The following MCPH1 variants were observed in gnomAD, a reference collection of about 807,000 sequenced individuals.
The protein encoded by MCPH1 is microcephalin.
A neutral mutation model predicts 84.5 loss-of-function variants in MCPH1; 104 were observed. The ratio of observed to expected loss-of-function variants is 1.23; its 90% confidence interval spans 1.05 to 1.45. The LOEUF is 1.45. Among genes scored for constraint, MCPH1 ranks in the 40% most tolerant of loss-of-function variants. The probability of loss-of-function intolerance (pLI) is 0.00; values close to 1 mark genes in which losing one functional copy is unlikely to be tolerated. For synonymous variants in MCPH1, 514 were observed against 366.8 expected (o/e 1.40, Z -4.58); for missense variants, 1,498 against 1,005.7 (o/e 1.49, Z -6.62).
chr8:6,483,222 C>G (rs934652561), intron 11 of MCPH1, among the ~76,000 whole-genome samples: 4 of 152,184 alleles, frequency 2.6e-5, no homozygotes, highest in Admixed American at 6.5e-5. Context: ...GATTAGAAGA[C>G]ATAGTACAGT....
chr8:6,505,389 ATG>A (rs1217010978), intron 12 of MCPH1, among the ~76,000 whole-genome samples: 1 of 64,400 alleles, frequency 1.6e-5, no homozygotes, highest in African/African-American at 4.9e-5. Context: ...TTCTTTCTAT[ATG>A]TATATAGAAT....
At chr8:6,432,827 T>A (rs1441955748) in intron 4 of MCPH1, among the ~76,000 whole-genome samples, 1 of 152,258 alleles carries the variant, frequency 6.6e-6, no homozygotes, top group African/African-American at 2.4e-5. Flanking sequence ...GTCTCTGGAC[T>A]CCCTGTGACA....
At chr8:6,465,820 T>G (rs1806825991) in intron 9 of MCPH1, among the ~76,000 whole-genome samples, 1 of 152,200 alleles carries the variant, frequency 6.6e-6, no homozygotes. Flanking sequence ...TGTACGTATT[T>G]GTCTTGAAGG....
At chr8:6,514,875 A>G (rs1815943886) in intron 12 of MCPH1, 1 of 1,001,888 alleles carries the variant, frequency 1.0e-6, no homozygotes, top group East Asian at 2.4e-5. Context: ...TGCAGGACTC[A>G]GCCGAGAGGG....
At chr8:6,478,996 G>C (rs977332170) in intron 10 of MCPH1, among the ~76,000 whole-genome samples, 2 of 152,162 alleles carry the variant, frequency 1.3e-5, no homozygotes, top group Non-Finnish European at 2.9e-5. Context: ...TGGGTGTGTT[G>C]GTTCACGGCT....
At chr8:6,450,942 A>G (rs1392504178) in intron 8 of MCPH1, among the ~76,000 whole-genome samples, 4 of 152,082 alleles carry the variant, frequency 2.6e-5, no homozygotes, top group Admixed American at 2.0e-4. Flanking sequence ...TTCTGAGCTC[A>G]TGCAATCTGC....
intron 13 of MCPH1, among the ~76,000 whole-genome samples, chr8:6,633,301 A>G (rs1391989322): frequency 1.3e-5 from 2 of 152,248 alleles, no homozygotes. Context: ...AAAGAGAGTC[A>G]ATAAACTGTT....
intron 8 of MCPH1, among the ~76,000 whole-genome samples, chr8:6,451,811 G>A (rs1286327365): frequency 6.6e-6 from 1 of 152,040 alleles, no homozygotes; most frequent in East Asian, 1.9e-4. Context: ...ATTTCTCATT[G>A]GATAATGTTA....
At position 6,455,941 on chromosome 8, in the gene MCPH1, T is replaced by A. The variant is rs182798698; in HGVS notation, c.1935+689T>A. On this transcript the variant is annotated intron_variant, in intron 9 of 13. Coordinates refer to ENST00000344683, the MANE Select transcript of MCPH1 (RefSeq NM_024596.5). Reference sequence around the variant, plus strand: ...ATTGAAAAGCAACAGATGAAAAGAATGACAGAGTAGATGGGTCTGCATGGG... The same window carrying A: ...ATTGAAAAGCAACAGATGAAAAGAAAGACAGAGTAGATGGGTCTGCATGGG... Among the ~76,000 whole-genome samples, 52 of 152,242 alleles carry A rather than the reference T, an allele frequency of 3.4e-4. 1 individual carries two copies. The highest frequency in any genetic ancestry group is 1.2e-3 in the African/African-American group (48 of 41,552).
intron 12 of MCPH1, among the ~76,000 whole-genome samples, chr8:6,600,464 A>G (rs530704153): frequency 1.0e-3 from 155 of 152,282 alleles, no homozygotes; most frequent in Non-Finnish European, 1.8e-3. Context: ...TACCATTGCC[A>G]CCACTGGGGA....
At chr8:6,408,700 A>G (rs1264446735) in intron 1 of MCPH1, among the ~76,000 whole-genome samples, 1 of 151,000 alleles carries the variant, frequency 6.6e-6, no homozygotes, top group Non-Finnish European at 1.5e-5. Context: ...CTGGGACTAC[A>G]GCCACTCGCC....
chr8:6,475,799 A>G (rs1019012059), intron 9 of MCPH1, among the ~76,000 whole-genome samples: 3 of 152,120 alleles, frequency 2.0e-5, no homozygotes, highest in South Asian at 2.1e-4. Context: ...GAGTTTCAGG[A>G]TCACACAGCA....
chr8:6,523,749 A>C (rs982436410), intron 12 of MCPH1, among the ~76,000 whole-genome samples: 1 of 152,102 alleles, frequency 6.6e-6, no homozygotes, highest in Non-Finnish European at 1.5e-5. Context: ...CACCACGCCC[A>C]GCTAATTTTT....
At chr8:6,533,471 G>A (rs765598799) in intron 12 of MCPH1, among the ~76,000 whole-genome samples, 22 of 152,038 alleles carry the variant, frequency 1.4e-4, no homozygotes, top group Middle Eastern at 3.2e-3. Context: ...ATGTAAAATA[G>A]GGTTTCTGGT....
chr8:6,449,413 C>T (rs2129556252), intron 8 of MCPH1, among the ~76,000 whole-genome samples: 1 of 152,246 alleles, frequency 6.6e-6, no homozygotes, highest in Non-Finnish European at 1.5e-5. Flanking sequence ...GTAGGTGGAT[C>T]ACTTGAGGTC....
chr8:6,433,508 C>A (rs1802150682), intron 4 of MCPH1, among the ~76,000 whole-genome samples: 1 of 151,848 alleles, frequency 6.6e-6, no homozygotes, highest in Non-Finnish European at 1.5e-5. Flanking sequence ...TGGTGCACAC[C>A]TGTAATCCCA....
chr8:6,437,428 A>T (rs898670573), intron 5 of MCPH1, among the ~76,000 whole-genome samples: 3 of 152,098 alleles, frequency 2.0e-5, no homozygotes, highest in African/African-American at 7.2e-5. Flanking sequence ...ACAGGGTTTC[A>T]CCATGTTGGC....
chr8:6,447,127 G>C (rs1001713258), intron 8 of MCPH1: 2 of 985,314 alleles, frequency 2.0e-6, no homozygotes, highest in Admixed American at 6.1e-5. Context: ...TGGGTTCTAG[G>C]ACATAAAAAG....
intron 9 of MCPH1, 97 bp downstream of exon 9, chr8:6,455,349 G>A: frequency 1.1e-6 from 1 of 898,718 alleles, no homozygotes; most frequent in Non-Finnish European, 1.8e-6. Flanking sequence ...TATCTGACTT[G>A]TCTTTTATTC....
Sources: allele counts gnomAD v4.1 joint callset (sites outside exome capture counted in the v4.1 genomes callset), GRCh38; gene constraint gnomAD v4.1.1; transcripts MANE v1.5; gene names NCBI Gene and HGNC (gene_info 2026-07-23, HGNC 2026-07-21).